Variants in NBN observed in about 807,000 individuals in gnomAD.
NBN encodes Nijmegen breakage syndrome 1 (nibrin).
NBN carries 88 observed loss-of-function variants against 90.8 expected under a neutral mutation model. The observed-to-expected ratio is 0.97, with a 90% CI of 0.82 to 1.16. NBN has a LOEUF of 1.16. Among genes scored for constraint, NBN ranks in the 50% most tolerant of loss-of-function variants. The pLI is 0.00. For synonymous variants in NBN, 328 were observed against 295.1 expected (o/e 1.11, Z -1.14); for missense variants, 894 against 869.6 (o/e 1.03, Z -0.35).
In NBN at chr8:89,961,202, A is replaced by G. The variant is rs117214081; in HGVS notation, c.995-2348T>C. On this transcript the variant is annotated intron_variant, in intron 8 of 15. Coordinates refer to ENST00000265433, the MANE Select transcript of NBN (RefSeq NM_002485.5). ...ATTAGATGATCTCTAAGGCCCTTTCAGCTATAAACACAATTTCAACAGTGG... is the reference window on the plus strand; with the variant it reads ...ATTAGATGATCTCTAAGGCCCTTTCGGCTATAAACACAATTTCAACAGTGG... Among the ~76,000 whole-genome samples, 395 of 152,324 alleles carry G rather than the reference A, an allele frequency of 2.6e-3. 2 individuals carry two copies. Among genetic ancestry groups the G allele is most frequent in the Middle Eastern group, 0.014 (4 of 294 alleles).
In NBN at chr8:89,982,804, T is replaced by C. The variant is rs587781450; in HGVS notation, c.89A>G (p.Asn30Ser). The change falls in exon 2 of 16, where the codon AAC becomes AGC. Residue 30 changes from asparagine (N) to serine (S), a missense_variant. Asn to Ser is a conservative substitution (Grantham distance 46). Transcript: ENST00000265433. ...TGVEYVVGRK[N>S]CAILIENDQS... ...ATCATTTTCAATCAGAATGGCACAG[T>C]TTTTCCTTCCAACAACGTACTCAAC... 6.2e-7 allele frequency: 1 copy of C among 1,613,636 alleles called. No individual in the cohort carries two copies. The highest frequency in any genetic ancestry group is 8.5e-7 in the Non-Finnish European group (1 of 1,179,616).
intron 5 of NBN, among the ~76,000 whole-genome samples, chr8:89,973,042 A>G (rs757768269): frequency 1.3e-5 from 2 of 152,198 alleles, no homozygotes; most frequent in Non-Finnish European, 2.9e-5. Flanking sequence ...TCCTAAACAT[A>G]TGTGTATGGT....
In NBN at chr8:89,958,777, C is replaced by A; in HGVS notation, c.1072G>T (p.Val358Leu). 6.2e-7 allele frequency: 1 copy of A among 1,614,108 alleles called. No individual in the cohort carries two copies. Among genetic ancestry groups the A allele is most frequent in the South Asian group, 1.1e-5 (1 of 91,080 alleles). ...TCAGCTACGTATGTTGTAGTGTTCA[C>A]TGGGGCGCTTGGCATTAGTTTTTCA... ...VDEKLMPSAP[V>L]NTTTYVADTE... The change falls in exon 9 of 16, where the codon GTG becomes TTG. Residue 358 changes from valine (V) to leucine (L), a missense_variant. Coordinates refer to ENST00000265433, the MANE Select transcript of NBN (RefSeq NM_002485.5).
intron 7 of NBN, among the ~76,000 whole-genome samples, chr8:89,966,665 A>G (rs1373933152): frequency 6.6e-6 from 1 of 152,220 alleles, no homozygotes; most frequent in Non-Finnish European, 1.5e-5. Flanking sequence ...AAATCCAAAC[A>G]AACTTTAACA....
intron 14 of NBN, among the ~76,000 whole-genome samples, chr8:89,940,985 C>G (rs2130749383): frequency 6.6e-6 from 1 of 152,228 alleles, no homozygotes; most frequent in Middle Eastern, 3.4e-3. Context: ...AGGTCACATA[C>G]TTGGTGAGAA....
At position 89,937,481 on chromosome 8, in the gene NBN, G is replaced by A. The variant is rs13312967; in HGVS notation, c.2185-406C>T. ...CAGCTCCACAGTTAAAGAGGCTCCT[G>A]TGTTCTTGGTCCCACATCAGGGCTT... On this transcript the variant is annotated intron_variant, in intron 14 of 15. Coordinates refer to ENST00000265433, the MANE Select transcript of NBN (RefSeq NM_002485.5). 393 of 200,510 alleles carry A rather than the reference G, an allele frequency of 2.0e-3. 1 individual carries two copies. The highest frequency in any genetic ancestry group is 8.2e-3 in the African/African-American group (350 of 42,464). The allele number at this position is 200,510 out of a possible 1,614,324, so 12.4% of individuals were successfully genotyped here.
At chr8:89,980,698 C>T (rs763061009) in intron 4 of NBN, 36 bp downstream of exon 4, 6 of 1,562,792 alleles carry the variant, frequency 3.8e-6, no homozygotes, top group Middle Eastern at 1.7e-4. Context: ...ATTCAAATAA[C>T]TTATTTTTAA....
chr8:89,967,564 G>A (rs967113325), intron 7 of NBN, among the ~76,000 whole-genome samples: 3 of 152,142 alleles, frequency 2.0e-5, no homozygotes, highest in African/African-American at 4.8e-5. Context: ...CCAATTCTGT[G>A]CAAGGCTGGG....
chr8:89,958,937 T>G, intron 8 of NBN, 83 bp from the exon 9 acceptor site: 1 of 1,535,934 alleles, frequency 6.5e-7, no homozygotes, highest in Non-Finnish European at 9.0e-7. Flanking sequence ...TGTTAGACTA[T>G]ACCATGCTGA....
rs759723870 is a variant in NBN at position 89,980,879 on chromosome 8, G to A, written c.335C>T (p.Pro112Leu). 11 of 1,612,548 alleles carry A rather than the reference G, an allele frequency of 6.8e-6. No homozygotes were observed. Among genetic ancestry groups the A allele is most frequent in the South Asian group, 4.4e-5 (4 of 91,058 alleles). The change falls in exon 4 of 16, where the codon CCT becomes CTT. Residue 112 changes from proline to leucine, a missense_variant. Physicochemically the swap from Pro to Leu is moderately conservative, Grantham distance 98 (BLOSUM62 -3). Coordinates refer to ENST00000265433, the MANE Select transcript of NBN (RefSeq NM_002485.5). ...TAAACAAGAAGAGCATGCAACCAAA[G>A]GCTCATACTCTATTCTGTAAATGAG... ...FGSKFRIEYEPLVACSSCLDV... is the reference protein window; with the variant it reads ...FGSKFRIEYELLVACSSCLDV...
intron 5 of NBN, among the ~76,000 whole-genome samples, chr8:89,976,886 A>G (rs1000547137): frequency 2.0e-5 from 3 of 152,230 alleles, no homozygotes; most frequent in Admixed American, 6.5e-5. Flanking sequence ...TTCCCAGATA[A>G]AAATTATAAA....
rs748941907 is a variant in NBN at position 89,947,080 on chromosome 8, T to G, written c.1914+744A>C. Among the ~76,000 whole-genome samples, 45 of 152,116 alleles carry G rather than the reference T, an allele frequency of 3.0e-4. No individual in the cohort carries two copies. Among genetic ancestry groups the G allele is most frequent in the Non-Finnish European group, 6.2e-4 (42 of 68,036 alleles). On this transcript the variant is annotated intron_variant, in intron 12 of 15. Transcript: ENST00000265433. Reference sequence around the variant, plus strand: ...AAAAGGGGAAAGTCAGAAAAAAAGGTTCATCTGATAGTGACAGAATGTAAT... The same window carrying G: ...AAAAGGGGAAAGTCAGAAAAAAAGGGTCATCTGATAGTGACAGAATGTAAT...
chr8:89,958,034 G>A (rs1810810229), intron 9 of NBN, among the ~76,000 whole-genome samples: 1 of 152,166 alleles, frequency 6.6e-6, no homozygotes, highest in South Asian at 2.1e-4. Context: ...TGAGGGTGAT[G>A]GGAGACAGTG....
chr8:89,938,045 G>C (rs1216808088), intron 14 of NBN, among the ~76,000 whole-genome samples: 1 of 152,006 alleles, frequency 6.6e-6, no homozygotes, highest in Non-Finnish European at 1.5e-5. Flanking sequence ...TTTAGCAAAG[G>C]CTTCCTGATC....
intron 15 of NBN, 65 bp downstream of exon 15, chr8:89,936,961 A>G: frequency 7.7e-7 from 1 of 1,302,500 alleles, no homozygotes; most frequent in Middle Eastern, 2.3e-4. Context: ...CTTAATTTCT[A>G]TGAACAGAAC....
chr8:89,982,890 GATA>G (rs1203412857), intron 1 of NBN, 35 bp from the exon 2 acceptor site: 2 of 1,596,382 alleles, frequency 1.3e-6, no homozygotes, highest in African/African-American at 2.7e-5. Flanking sequence ...AAGATAAGTT[GATA>G]GACACATACA....
At chr8:89,960,913 T>C (rs772220754) in intron 8 of NBN, among the ~76,000 whole-genome samples, 1 of 152,162 alleles carries the variant, frequency 6.6e-6, no homozygotes, top group East Asian at 1.9e-4. Context: ...CCAAAGTTGG[T>C]TGTGCTATAA....
intron 8 of NBN, among the ~76,000 whole-genome samples, chr8:89,962,488 T>C (rs1414013491): frequency 6.6e-6 from 1 of 152,210 alleles, no homozygotes; most frequent in East Asian, 1.9e-4. Context: ...ATATTTCTAG[T>C]AGACAAGGAA....
chr8:89,935,657 G>A (rs1809637787), intron 15 of NBN, 45 bp from the exon 16 acceptor site: 1 of 1,597,592 alleles, frequency 6.3e-7, no homozygotes, highest in Non-Finnish European at 8.6e-7. Context: ...GATAAGGGAT[G>A]GTATTTCTTT....
Sources: gnomAD v4.1 joint callset for allele counts (sites outside exome capture counted in the v4.1 genomes callset) on GRCh38, gnomAD v4.1.1 for gene constraint, MANE v1.5 for transcripts, NCBI Gene and HGNC (gene_info 2026-07-23, HGNC 2026-07-21) for gene names.